Variants in TULP4 observed in about 807,000 individuals in gnomAD.
TULP4 encodes the protein tubby-related protein 4.
TULP4 carries 16 observed loss-of-function variants against 129.0 expected under a neutral mutation model. The ratio of observed to expected loss-of-function variants is 0.12; its 90% CI spans 0.08 to 0.19. The LOEUF (loss-of-function observed/expected upper bound fraction) is 0.19, where lower values mean the gene tolerates loss of function less well. Ranked by LOEUF, TULP4 falls within the 10% of genes least tolerant of loss-of-function variation. The probability of loss-of-function intolerance (pLI) is 1.00; values close to 1 mark genes in which losing one functional copy is unlikely to be tolerated. For missense variants in TULP4, 1,842 were observed against 2,059.1 expected, an observed-to-expected ratio of 0.89 and a Z score of 2.04; for synonymous variants, 998 against 854.0, an observed-to-expected ratio of 1.17 and a Z score of -2.94.
At chr6:158,432,249 T>C (rs977344118) in intron 3 of TULP4, among the ~76,000 whole-genome samples, 2 of 152,052 alleles carry the variant, frequency 1.3e-5, no homozygotes, top group Non-Finnish European at 2.9e-5. Context: ...TCCTCCTGTC[T>C]CTACCACTCA....
chr6:158,238,312 A>G lies in TULP4; in HGVS notation n.68+6009A>G, dbSNP rs568139307. ...GCAGAGCTGGGCACCTTGGGTTAAC[A>G]TAGGTGAGAGATGCTCGGGACTTTG... is the stretch of plus-strand genomic sequence containing the variant. On this transcript the variant is annotated intron_variant and non_coding_transcript_variant, in intron 1 of 1. Transcript: ENST00000620026. The G allele has an allele frequency of 7.4e-5, 71 of 960,854 alleles. No homozygotes were observed. In the South Asian group the frequency reaches 8.8e-4, roughly 12 times the overall value. The allele number at this position is 960,854 out of a possible 1,614,324, so 59.5% of individuals were successfully genotyped here.
chr6:158,320,076 G>A (rs1304465502), intron 1 of TULP4, among the ~76,000 whole-genome samples: 1 of 152,174 alleles, frequency 6.6e-6, no homozygotes, highest in Admixed American at 6.5e-5. Flanking sequence ...CCTTTTACCA[G>A]TATCTCTTTT....
chr6:158,282,126 C>T (rs1281685349), upstream of TULP4: 2 of 151,998 alleles, frequency 1.3e-5, no homozygotes, highest in Non-Finnish European at 2.9e-5. Flanking sequence ...GCTTTATATT[C>T]TTCTCGGAAA....
chr6:158,366,761 A>T (rs191682455), intron 1 of TULP4, among the ~76,000 whole-genome samples: 21 of 152,320 alleles, frequency 1.4e-4, no homozygotes, highest in African/African-American at 4.8e-4. Flanking sequence ...ATAGTGAGTG[A>T]TACGTAAAAC....
chr6:158,493,841 C>A lies in TULP4; in HGVS notation c.1776+124C>A. 1 of 1,097,692 alleles carries A rather than the reference C, an allele frequency of 9.1e-7. No homozygotes were observed. The highest frequency in any genetic ancestry group is 1.2e-6 in the Non-Finnish European group (1 of 805,470). The allele number at this position is 1,097,692 out of a possible 1,614,324, so 68.0% of individuals were successfully genotyped here. Reference sequence around the variant, plus strand: ...TGGGTCCCTGAGCTCTGCTCCACATCCTGCACACCACCTACTACCTCAGGA... The same window carrying A: ...TGGGTCCCTGAGCTCTGCTCCACATACTGCACACCACCTACTACCTCAGGA... On this transcript the variant is annotated intron_variant, in intron 10 of 13. Transcript: ENST00000367097. This position sits in a 1 kb window ranked among gnomAD's most constrained non-coding sequence, Gnocchi z 4.4.
intron 1 of TULP4, among the ~76,000 whole-genome samples, chr6:158,371,377 C>G (rs898528358): frequency 2.0e-5 from 3 of 152,204 alleles, no homozygotes; most frequent in Non-Finnish European, 2.9e-5. Context: ...GATTAGCCTC[C>G]CTACTTCAGG....
chr6:158,282,394 G>A (rs375083000), intron 1 of TULP4: 10 of 152,068 alleles, frequency 6.6e-5, no homozygotes, highest in African/African-American at 2.2e-4. Context: ...CTTTTGATAA[G>A]TGAATATGAA....
intron 8 of TULP4, among the ~76,000 whole-genome samples, chr6:158,481,981 TCAGTCTG>T (rs1779957287): frequency 6.6e-6 from 1 of 152,152 alleles, no homozygotes; most frequent in South Asian, 2.1e-4. Flanking sequence ...CACTGCCAGC[TCAGTCTG>T]CCACCTCCCT....
intron 1 of TULP4, among the ~76,000 whole-genome samples, chr6:158,327,401 C>G (rs1779768009): frequency 1.3e-5 from 2 of 152,184 alleles, no homozygotes; most frequent in Admixed American, 1.3e-4. Context: ...TACTACCCAC[C>G]TGCATCCTGG....
At chr6:158,341,064 A>G (rs918999738) in intron 1 of TULP4, among the ~76,000 whole-genome samples, 2 of 152,010 alleles carry the variant, frequency 1.3e-5, no homozygotes, top group African/African-American at 2.4e-5. Flanking sequence ...CCCATTAGCC[A>G]TGTTCTCTTT....
intron 3 of TULP4, among the ~76,000 whole-genome samples, chr6:158,439,196 G>C (rs1313163823): frequency 6.6e-6 from 1 of 151,806 alleles, no homozygotes; most frequent in Non-Finnish European, 1.5e-5. Context: ...ATAATTTACC[G>C]ATATTTGGTG....
chr6:158,481,389 T>A, intron 8 of TULP4, 100 bp downstream of exon 8: 1 of 1,122,678 alleles, frequency 8.9e-7, no homozygotes, highest in Non-Finnish European at 1.3e-6. Flanking sequence ...TAATGAAACG[T>A]GAGCCTGTGG....
intron 1 of TULP4, among the ~76,000 whole-genome samples, chr6:158,299,287 C>T (rs532056535): frequency 8.5e-5 from 13 of 152,250 alleles, no homozygotes; most frequent in South Asian, 4.1e-4. Flanking sequence ...GAGGAGCAAT[C>T]GTTTTTTAAA....
chr6:158,329,465 T>TAA (rs10671642), intron 1 of TULP4, among the ~76,000 whole-genome samples: 24,962 of 138,580 alleles, frequency 0.18, 2,693 homozygotes, highest in Middle Eastern at 0.27. Context: ...ACCTTAACAT[T>TAA]AAAAAAAAAA....
chr6:158,261,513 GT>G (rs1199591560), intron 1 of TULP4, among the ~76,000 whole-genome samples: 1 of 152,200 alleles, frequency 6.6e-6, no homozygotes, highest in African/African-American at 2.4e-5. Flanking sequence ...CCTGGTAAAT[GT>G]CTTGGGCTTC....
intron 1 of TULP4, among the ~76,000 whole-genome samples, chr6:158,292,278 G>C (rs930287125): frequency 6.6e-6 from 1 of 152,204 alleles, no homozygotes; most frequent in South Asian, 2.1e-4. Flanking sequence ...GGACTGAGGG[G>C]TTTCCTGGGA....
intron 1 of TULP4, among the ~76,000 whole-genome samples, chr6:158,288,779 C>T (rs1353616042): frequency 3.3e-5 from 5 of 152,184 alleles, no homozygotes; most frequent in African/African-American, 9.6e-5. Context: ...GGATTACAGG[C>T]GTGAGCCACC....
rs773547692 is a variant in TULP4 at position 158,461,583 on chromosome 6, A to T, written c.880A>T (p.Thr294Ser). Residue 294 changes from threonine to serine, a missense_variant, in exon 6 of 14, where the codon ACA becomes TCA. By Grantham distance (58) the Thr-to-Ser change is moderately conservative (BLOSUM62 1). This residue lies in a region of TULP4 where 456 missense variants were observed against 534.3 expected (regional missense o/e 0.85). Coordinates refer to ENST00000367097, the MANE Select transcript of TULP4 (RefSeq NM_020245.5). ...GLKEVVAQWC[T>S]QGDLLAVAGM... ...TTCAGAGGTGGTAGCCCAGTGGTGC[A>T]CACAGGGGGACTTGCTGGCAGTCGC... 3.7e-6 allele frequency: 6 copies of T among 1,613,570 alleles called. No individual in the cohort carries two copies. Among genetic ancestry groups the T allele is most frequent in the Non-Finnish European group, 5.1e-6 (6 of 1,179,868 alleles).
chr6:158,499,228 T>C (rs572361655), intron 12 of TULP4, among the ~76,000 whole-genome samples: 3 of 152,276 alleles, frequency 2.0e-5, no homozygotes, highest in African/African-American at 7.2e-5. Context: ...GCTGAGATAG[T>C]GTCTCACTCC....
Sources: allele counts gnomAD v4.1 joint callset (sites outside exome capture counted in the v4.1 genomes callset), GRCh38; gene constraint gnomAD v4.1.1; regional missense constraint gnomAD v4.1.1; non-coding constraint Gnocchi (gnomAD v3.1); transcripts MANE v1.5; gene names NCBI Gene and HGNC (gene_info 2026-07-23, HGNC 2026-07-21).